RAB21: variants seen among roughly 807,000 people sequenced by gnomAD.
RAB21 encodes ras-related protein Rab-21.
Under a neutral mutation model 33.1 loss-of-function variants are expected in RAB21, and 13 were observed. That is an observed-to-expected ratio of 0.39 (90% confidence interval 0.26 to 0.62). The LOEUF is 0.62. RAB21 is among the 20% of genes least tolerant of loss of function. The pLI, the probability that RAB21 is intolerant of heterozygous loss-of-function variation, is 0.48. For missense variants in RAB21, 234 were observed against 279.1 expected, an observed-to-expected ratio of 0.84 and a Z score of 1.15; for synonymous variants, 91 against 103.7, an observed-to-expected ratio of 0.88 and a Z score of 0.74.
intron 1 of RAB21, among the ~76,000 whole-genome samples, chr12:71,758,157 C>T (rs1266859007): frequency 1.3e-5 from 2 of 151,914 alleles, no homozygotes; most frequent in East Asian, 1.9e-4. Context: ...CTCAGCCTCC[C>T]GAGTAGCTGG....
chr12:71,771,653 A>C (rs2137648464), intron 3 of RAB21, among the ~76,000 whole-genome samples: 2 of 152,292 alleles, frequency 1.3e-5, no homozygotes, highest in South Asian at 4.1e-4. Flanking sequence ...GTTTTGCATG[A>C]AAAGACATAG....
chr12:71,781,800 G>T (rs576004003), intron 4 of RAB21, among the ~76,000 whole-genome samples: 1 of 152,162 alleles, frequency 6.6e-6, no homozygotes, highest in Non-Finnish European at 1.5e-5. Context: ...TTCTTTGTCA[G>T]AGGCTGCAGA....
At chr12:71,776,023 T>C (rs1218274311) in intron 4 of RAB21, among the ~76,000 whole-genome samples, 1 of 152,186 alleles carries the variant, frequency 6.6e-6, no homozygotes, top group Non-Finnish European at 1.5e-5. Flanking sequence ...AGTAGTAGGC[T>C]ACTTGGAGAT....
intron 1 of RAB21, among the ~76,000 whole-genome samples, chr12:71,768,794 G>GA (rs551951121): frequency 4.3e-4 from 65 of 152,196 alleles, no homozygotes; most frequent in African/African-American, 1.5e-3. Context: ...GAAAATCAGG[G>GA]AAAAAAAGTT....
Position 71,797,543 on chromosome 12 carries a change from CTAAAT to C in RAB21, c.*11872_*11876del, listed in dbSNP as rs1360748668. On this transcript the variant is annotated 3_prime_UTR_variant, in exon 7 of 7. Coordinates refer to ENST00000261263, the MANE Select transcript of RAB21 (RefSeq NM_014999.4). ...AAGACAACATACACATTTCAGTTCTCTAAATTGAATGCAATCCCAATAAAAATATA... is the reference window on the plus strand; with the variant it reads ...AAGACAACATACACATTTCAGTTCTCTGAATGCAATCCCAATAAAAATATA... 1 of 142,504 alleles carries C rather than the reference CTAAAT, an allele frequency of 7.0e-6. No individual in the cohort carries two copies. The highest frequency in any genetic ancestry group is 2.6e-5 in the African/African-American group (1 of 38,590). 8.8% of individuals were successfully genotyped at this position (142,504 alleles called of 1,614,324 possible).
At chr12:71,780,965 C>T (rs1423143670) in intron 4 of RAB21, among the ~76,000 whole-genome samples, 2 of 151,966 alleles carry the variant, frequency 1.3e-5, no homozygotes, top group African/African-American at 4.8e-5. Flanking sequence ...TTTTTATTAC[C>T]TTTAGCACTC....
chr12:71,759,859 A>G (rs1313267473), intron 1 of RAB21, among the ~76,000 whole-genome samples: 1 of 152,236 alleles, frequency 6.6e-6, no homozygotes. Context: ...CTTCATAGCC[A>G]TCGTGATCCT....
intron 6 of RAB21, among the ~76,000 whole-genome samples, chr12:71,783,149 ATAATT>A (rs1883226227): frequency 6.6e-6 from 1 of 152,128 alleles, no homozygotes; most frequent in South Asian, 2.1e-4. Context: ...ACACATTAAA[ATAATT>A]TAGGAATAAA....
chr12:71,779,753 C>G (rs1008697108), intron 4 of RAB21, among the ~76,000 whole-genome samples: 3 of 152,050 alleles, frequency 2.0e-5, no homozygotes, highest in Non-Finnish European at 2.9e-5. Context: ...GTTTTTAATT[C>G]TTTATAGTAC....
chr12:71,796,848 G>A lies in RAB21; in HGVS notation c.*11175G>A, dbSNP rs553652116. 132 of 152,202 alleles carry A rather than the reference G, an allele frequency of 8.7e-4. 1 individual carries two copies. Among genetic ancestry groups the A allele is most frequent in the African/African-American group, 3.1e-3 (130 of 41,542 alleles). 9.4% of individuals were successfully genotyped at this position (152,202 alleles called of 1,614,324 possible). A position where few individuals can be genotyped will look rare whatever the true frequency, so the allele number is the denominator to read the frequency against. On this transcript the variant is annotated 3_prime_UTR_variant, in exon 7 of 7. Transcript: ENST00000261263. ...AAGAAAAAGACTTGTAAGCTAAAAA[G>A]CCTGTTTCGTTCGGAAAAAAAAGTA...
chr12:71,761,379 A>G (rs1882869669), intron 1 of RAB21, among the ~76,000 whole-genome samples: 4 of 152,052 alleles, frequency 2.6e-5, no homozygotes, highest in Non-Finnish European at 1.5e-5. Flanking sequence ...CCCTGTTTTT[A>G]AAAAATAAAA....
chr12:71,791,319 A>G lies in RAB21; in HGVS notation c.*5646A>G, dbSNP rs752228752. On this transcript the variant is annotated 3_prime_UTR_variant, in exon 7 of 7. Coordinates refer to ENST00000261263, the MANE Select transcript of RAB21 (RefSeq NM_014999.4). ...TATCATAGAATTTAAATGCAAGCCA[A>G]TGCTTAGACAGAATCAGGGTCTGCT... The G allele has an allele frequency of 5.9e-5, 9 of 152,196 alleles. No homozygotes were observed. Among genetic ancestry groups the G allele is most frequent in the Non-Finnish European group, 7.3e-5 (5 of 68,046 alleles). 9.4% of individuals were successfully genotyped at this position (152,196 alleles called of 1,614,324 possible).
At chr12:71,773,473 ATTTTAGCACTCTAATTTT>A (rs1407643152) in intron 3 of RAB21, among the ~76,000 whole-genome samples, 3 of 152,036 alleles carry the variant, frequency 2.0e-5, no homozygotes, top group Non-Finnish European at 4.4e-5. Flanking sequence ...TGATTGAATT[ATTTTAGCACTCTAATTTT>A]TTTTGGTGCT....
intron 1 of RAB21, among the ~76,000 whole-genome samples, chr12:71,759,698 C>T (rs180825118): frequency 1.3e-5 from 2 of 152,326 alleles, no homozygotes; most frequent in East Asian, 3.9e-4. Context: ...CTGTCTTGCC[C>T]ACAAGGTTAT....
chr12:71,773,170 T>G (rs1883068722), intron 3 of RAB21, among the ~76,000 whole-genome samples: 3 of 152,246 alleles, frequency 2.0e-5, no homozygotes, highest in Admixed American at 2.0e-4. Flanking sequence ...GTTCAAAAGA[T>G]TCATCTACTT....
chr12:71,755,299 C>T lies in RAB21; in HGVS notation c.159+11C>T. The T allele has an allele frequency of 6.6e-7, 1 of 1,505,440 alleles. No individual in the cohort carries two copies. 93.3% of individuals were successfully genotyped at this position (1,505,440 alleles called of 1,614,324 possible). On this transcript the variant is annotated intron_variant, in intron 1 of 6. Coordinates refer to ENST00000261263, the MANE Select transcript of RAB21 (RefSeq NM_014999.4). ...ATCACCACTCTGCAGGTGCGGACCT[C>T]GGGGAGCGGGAGGGGGCGCCTCAGG... is the stretch of plus-strand genomic sequence containing the variant.
intron 1 of RAB21, among the ~76,000 whole-genome samples, chr12:71,767,473 G>C (rs1882979695): frequency 2.6e-5 from 4 of 152,106 alleles, no homozygotes; most frequent in Admixed American, 2.6e-4. Flanking sequence ...TCGATGAGTT[G>C]TAAGTTGTTG....
At chr12:71,776,599 C>T (rs1883123117) in intron 4 of RAB21, among the ~76,000 whole-genome samples, 1 of 151,712 alleles carries the variant, frequency 6.6e-6, no homozygotes, top group Non-Finnish European at 1.5e-5. Flanking sequence ...AGAAAGCTCT[C>T]ACTTTCTTCT....
chr12:71,776,081 G>A (rs928362367), intron 4 of RAB21, among the ~76,000 whole-genome samples: 1 of 152,144 alleles, frequency 6.6e-6, no homozygotes, highest in African/African-American at 2.4e-5. Flanking sequence ...GTGTAACTTT[G>A]TGTGGTATAT....
Sources: gnomAD v4.1 joint callset for allele counts (sites outside exome capture counted in the v4.1 genomes callset) on GRCh38, gnomAD v4.1.1 for gene constraint, MANE v1.5 for transcripts, NCBI Gene and HGNC (gene_info 2026-07-23, HGNC 2026-07-21) for gene names.